Variants in TMEM232 observed in about 807,000 individuals in gnomAD.
The protein encoded by TMEM232 is transmembrane protein 232.
Under a neutral mutation model 78.8 loss-of-function variants are expected in TMEM232, and 80 were observed. The ratio of observed to expected loss-of-function variants is 1.01; its 90% confidence interval spans 0.85 to 1.22. The LOEUF is 1.22. TMEM232 is among the 50% of genes most tolerant of loss of function. TMEM232 has a pLI of 0.00. For missense variants in TMEM232, 881 were observed against 742.2 expected (o/e 1.19, Z -2.17); for synonymous variants, 297 against 254.3 (o/e 1.17, Z -1.60).
chr5:110,490,770 C>T (rs1391271158), intron 12 of TMEM232, among the ~76,000 whole-genome samples: 2 of 151,998 alleles, frequency 1.3e-5, no homozygotes, highest in Admixed American at 1.3e-4. Context: ...ACTTGATATC[C>T]ACTTACAAAA....
chr5:110,645,066 A>G (rs998630315), intron 2 of TMEM232, among the ~76,000 whole-genome samples: 2 of 151,688 alleles, frequency 1.3e-5, no homozygotes, highest in African/African-American at 2.4e-5. Flanking sequence ...CCAATAAAAA[A>G]AAAGATTAGA....
chr5:110,542,812 T>G (rs1773323536), intron 11 of TMEM232, among the ~76,000 whole-genome samples: 1 of 152,120 alleles, frequency 6.6e-6, no homozygotes, highest in African/African-American at 2.4e-5. Flanking sequence ...CCCCTCGCTT[T>G]CTGCATGGCA....
intron 11 of TMEM232, among the ~76,000 whole-genome samples, chr5:110,551,881 T>C (rs769440805): frequency 1.2e-4 from 18 of 152,086 alleles, no homozygotes; most frequent in Non-Finnish European, 2.2e-4. Context: ...CCTAGAATTC[T>C]ATATGCATAA....
chr5:110,618,670 G>A, intron 7 of TMEM232, 108 bp from the exon 8 acceptor site: 1 of 1,135,152 alleles, frequency 8.8e-7, no homozygotes, highest in South Asian at 1.7e-5. Context: ...AAATGAAAAT[G>A]CATATTCTCT....
intron 12 of TMEM232, among the ~76,000 whole-genome samples, chr5:110,507,982 G>C (rs1273772048): frequency 2.0e-5 from 3 of 152,136 alleles, no homozygotes; most frequent in Non-Finnish European, 4.4e-5. Flanking sequence ...ATGCTAATAG[G>C]TGGTTGACTT....
chr5:110,627,432 T>TAC (rs1784561291), intron 6 of TMEM232, among the ~76,000 whole-genome samples: 1 of 151,928 alleles, frequency 6.6e-6, no homozygotes, highest in Non-Finnish European at 1.5e-5. Flanking sequence ...AAGGGGGAGA[T>TAC]ATCAGAGTGC....
At chr5:110,550,684 G>A (rs946035795) in intron 11 of TMEM232, among the ~76,000 whole-genome samples, 5 of 151,228 alleles carry the variant, frequency 3.3e-5, no homozygotes, top group Non-Finnish European at 7.4e-5. Flanking sequence ...ATAGAAATTG[G>A]GAAATACCTT....
At chr5:110,631,405 T>G (rs1395393371) in intron 5 of TMEM232, among the ~76,000 whole-genome samples, 1 of 152,118 alleles carries the variant, frequency 6.6e-6, no homozygotes, top group Non-Finnish European at 1.5e-5. Flanking sequence ...CAGCAGCAAT[T>G]GCTGCCACTG....
At chr5:110,650,131 TATA>T (rs1788092843) in intron 2 of TMEM232, among the ~76,000 whole-genome samples, 1 of 152,092 alleles carries the variant, frequency 6.6e-6, no homozygotes, top group Admixed American at 6.6e-5. Flanking sequence ...TCTATCTCAG[TATA>T]ATATTTATCT....
rs1241173915 is a variant in TMEM232 at position 110,602,500 on chromosome 5, T to C, written c.1276+2609A>G. On this transcript the variant is annotated intron_variant, in intron 10 of 13. Coordinates refer to ENST00000455884, the MANE Select transcript of TMEM232 (RefSeq NM_001039763.4). The stretch of plus-strand genomic sequence containing the variant: ...GCAAAGGATATGAACAGACACTATT[T>C]AAAAGAAAACATTTATGTGGCCAAA... Among the ~76,000 whole-genome samples the C allele has an allele frequency of 2.6e-5, 4 of 151,916 alleles. No individual in the cohort carries two copies. In the East Asian group the frequency reaches 5.8e-4, roughly 22 times the overall value.
At chr5:110,616,816 G>A (rs968898426) in intron 8 of TMEM232, among the ~76,000 whole-genome samples, 1 of 152,230 alleles carries the variant, frequency 6.6e-6, no homozygotes. Context: ...AGATGTTGAT[G>A]AGGATGTTCA....
At chr5:110,590,381 G>A (rs975735802) in intron 10 of TMEM232, among the ~76,000 whole-genome samples, 7 of 152,100 alleles carry the variant, frequency 4.6e-5, no homozygotes, top group African/African-American at 1.7e-4. Flanking sequence ...AATGGCCAGT[G>A]AGTGAACATT....
chr5:110,546,551 G>C (rs1773804662), intron 11 of TMEM232, among the ~76,000 whole-genome samples: 1 of 152,000 alleles, frequency 6.6e-6, no homozygotes, highest in Admixed American at 6.6e-5. Context: ...TATAACAAAA[G>C]GTTTTTGAAG....
intron 12 of TMEM232, among the ~76,000 whole-genome samples, chr5:110,477,152 G>A (rs548133770): frequency 6.6e-6 from 1 of 151,918 alleles, no homozygotes; most frequent in East Asian, 1.9e-4. Context: ...ATATTCAACT[G>A]AATACATACC....
chr5:110,696,724 T>C (rs1351529914), intron 1 of TMEM232, among the ~76,000 whole-genome samples: 1 of 152,048 alleles, frequency 6.6e-6, no homozygotes, highest in Non-Finnish European at 1.5e-5. Flanking sequence ...ATAAAATACC[T>C]AGGAATCCAA....
At chr5:110,540,204 A>G (rs1355198812) in intron 11 of TMEM232, among the ~76,000 whole-genome samples, 5 of 152,180 alleles carry the variant, frequency 3.3e-5, no homozygotes, top group African/African-American at 9.7e-5. Context: ...TTAGGATCAG[A>G]ACACAGATCA....
intron 12 of TMEM232, among the ~76,000 whole-genome samples, chr5:110,438,102 G>C (rs762815363): frequency 4.6e-5 from 7 of 152,146 alleles, no homozygotes; most frequent in Non-Finnish European, 8.8e-5. Flanking sequence ...TCACAGGCTG[G>C]GGACACCAAG....
In TMEM232 at chr5:110,658,307, T is replaced by C. The variant is rs144344266; in HGVS notation, c.125+8921A>G. 2.3e-4 allele frequency among the ~76,000 whole-genome samples: 35 copies of C among 152,318 alleles called. No homozygotes were observed. In the East Asian group the frequency reaches 6.6e-3, roughly 29 times the overall value. On this transcript the variant is annotated intron_variant, in intron 2 of 13. Transcript: ENST00000455884. Reference sequence around the variant, plus strand: ...AACCAGAAATACAGTCCTCATTTCATTTCTAAAAATATCTACGGTTTTATA... The same window carrying C: ...AACCAGAAATACAGTCCTCATTTCACTTCTAAAAATATCTACGGTTTTATA...
At chr5:110,722,673 C>G (rs1430636025) in intron 1 of TMEM232, among the ~76,000 whole-genome samples, 1 of 152,116 alleles carries the variant, frequency 6.6e-6, no homozygotes, top group Non-Finnish European at 1.5e-5. Context: ...TTACTGCCAC[C>G]ACATTTTATT....
Sources: allele counts gnomAD v4.1 joint callset (sites outside exome capture counted in the v4.1 genomes callset), GRCh38; gene constraint gnomAD v4.1.1; transcripts MANE v1.5; gene names NCBI Gene and HGNC (gene_info 2026-07-23, HGNC 2026-07-21).